Variants in HEXA observed in about 807,000 individuals in gnomAD.
HEXA encodes hexosaminidase subunit alpha, also known as beta-hexosaminidase subunit alpha.
Under a neutral mutation model 73.3 loss-of-function variants are expected in HEXA, and 54 were observed. That is an observed-to-expected ratio of 0.74 (90% CI 0.59 to 0.92). The LOEUF (loss-of-function observed/expected upper bound fraction) is 0.92. Ranked by LOEUF, HEXA falls within the 40% of genes least tolerant of loss-of-function variation. The pLI is 0.00. For missense variants in HEXA, 649 were observed against 653.0 expected (o/e 0.99, Z 0.07); for synonymous variants, 230 against 246.9 (o/e 0.93, Z 0.64).
intron 1 of HEXA, among the ~76,000 whole-genome samples, chr15:72,368,146 A>C (rs2088941893): frequency 6.6e-6 from 1 of 152,230 alleles, no homozygotes; most frequent in Non-Finnish European, 1.5e-5. Context: ...TGCTACTGGA[A>C]TCTGGTAACA....
At chr15:72,353,218 A>C (rs1172433577) in intron 4 of HEXA, 40 bp from the exon 5 acceptor site, 1 of 1,222,744 alleles carries the variant, frequency 8.2e-7, no homozygotes, top group Admixed American at 1.8e-5. Context: ...TTTCAAAGGA[A>C]GCTTACTATG....
At chr15:72,362,625 G>C (rs138167881) in intron 1 of HEXA, among the ~76,000 whole-genome samples, 1 of 152,188 alleles carries the variant, frequency 6.6e-6, no homozygotes, top group African/African-American at 2.4e-5. Context: ...GCGATGCTAA[G>C]AAGACGCCCA....
Position 72,350,627 on chromosome 15 carries a change from G to A in HEXA, c.696C>T (p.His232=). The part of the protein sequence containing the change: ...MRKGSYNPVT[H]IYTAQDVKEV... Reference sequence around the variant, plus strand: ...CCTTCACATCCTGTGCTGTGTAGATGTGGGTGACAGGGTTGTAGGACCCCT... The same window carrying A: ...CCTTCACATCCTGTGCTGTGTAGATATGGGTGACAGGGTTGTAGGACCCCT... The change falls in exon 7 of 14, where the codon CAC becomes CAT. Residue 232 remains histidine, a synonymous_variant. Coordinates refer to ENST00000268097, the MANE Select transcript of HEXA (RefSeq NM_000520.6). 6.2e-7 allele frequency: 1 copy of A among 1,605,002 alleles called. No individual in the cohort carries two copies. Among genetic ancestry groups the A allele is most frequent in the Non-Finnish European group, 8.5e-7 (1 of 1,175,756 alleles).
At chr15:72,352,764 T>C (rs2088717305) in intron 5 of HEXA, among the ~76,000 whole-genome samples, 1 of 151,864 alleles carries the variant, frequency 6.6e-6, no homozygotes, top group South Asian at 2.1e-4. Context: ...CCTGGGTTCA[T>C]GCGATTCTCC....
intron 4 of HEXA, 36 bp downstream of exon 4, chr15:72,353,655 A>G (rs1354479316): frequency 6.5e-7 from 1 of 1,539,344 alleles, no homozygotes; most frequent in Non-Finnish European, 9.0e-7. Context: ...AACCCCAGAG[A>G]TGAAAAAGGA....
chr15:72,362,410 C>A (rs764711297), intron 1 of HEXA: 66 of 455,540 alleles, frequency 1.4e-4, no homozygotes, highest in Admixed American at 3.3e-4. Context: ...AGGGACCAAT[C>A]TCAGTGTCTT....
Position 72,346,219 on chromosome 15 carries a change from C to G in HEXA, c.1421+16G>C, listed in dbSNP as rs1260701932. 5.6e-6 allele frequency: 9 copies of G among 1,601,018 alleles called. No individual in the cohort carries two copies. Among genetic ancestry groups the G allele is most frequent in the East Asian group, 2.2e-5 (1 of 44,832 alleles). Reference sequence around the variant, plus strand: ...TCTCAGGCCCAACCCTCCACCTCCCCCCCGAAAACCCTTACCAGAGCCTGG... The same window carrying G: ...TCTCAGGCCCAACCCTCCACCTCCCGCCCGAAAACCCTTACCAGAGCCTGG... On this transcript the variant is annotated intron_variant, in intron 12 of 13. Transcript: ENST00000268097.
In HEXA at chr15:72,342,695, G is replaced by A. The variant is rs958473911; in HGVS notation, c.*1382C>T. The A allele has an allele frequency of 6.6e-6, 1 of 152,310 alleles. No individual in the cohort carries two copies. The highest frequency in any genetic ancestry group is 2.4e-5 in the African/African-American group (1 of 41,460). 9.4% of individuals were successfully genotyped at this position (152,310 alleles called of 1,614,324 possible). ...CTCCGCGCAGCCATCCATTCCCTGC[G>A]AAGATGCTTTGGGCTGAAAATGGTT... On this transcript the variant is annotated 3_prime_UTR_variant, in exon 14 of 14. Transcript: ENST00000268097.
chr15:72,366,996 T>C (rs963272079), intron 1 of HEXA, among the ~76,000 whole-genome samples: 9 of 151,974 alleles, frequency 5.9e-5, no homozygotes, highest in African/African-American at 2.2e-4. Context: ...CAGGCTGGAG[T>C]GCAGTGGCGC....
intron 1 of HEXA, chr15:72,370,723 G>C (rs908700834): frequency 6.6e-6 from 1 of 152,178 alleles, no homozygotes; most frequent in African/African-American, 2.7e-5. Context: ...GAAAAGAAAA[G>C]AAAAAAACAG....
chr15:72,344,720 T>TG (rs2088587675), intron 13 of HEXA, among the ~76,000 whole-genome samples: 1 of 152,184 alleles, frequency 6.6e-6, no homozygotes, highest in South Asian at 2.1e-4. Flanking sequence ...ATGACATAAT[T>TG]GAGGCTTAGA....
At position 72,342,548 on chromosome 15, in the gene HEXA, C is replaced by T. The variant is rs897301414; in HGVS notation, c.*1529G>A. 1.3e-5 allele frequency: 2 copies of T among 152,246 alleles called. No individual in the cohort carries two copies. Among genetic ancestry groups the T allele is most frequent in the African/African-American group, 4.8e-5 (2 of 41,454 alleles). The allele number at this position is 152,246 out of a possible 1,614,324, so 9.4% of individuals were successfully genotyped here. Reference sequence around the variant, plus strand: ...GGCTGCGATGCATTACTGCCCCCGCCTCTGGCTTACAGTATCACTTCTGCA... The same window carrying T: ...GGCTGCGATGCATTACTGCCCCCGCTTCTGGCTTACAGTATCACTTCTGCA... On this transcript the variant is annotated 3_prime_UTR_variant, in exon 14 of 14. Transcript: ENST00000268097.
At chr15:72,361,180 C>T (rs1180752619) in intron 1 of HEXA, among the ~76,000 whole-genome samples, 1 of 152,180 alleles carries the variant, frequency 6.6e-6, no homozygotes, top group African/African-American at 2.4e-5. Context: ...AGACAAAAAT[C>T]CCAGCTGTCA....
At chr15:72,373,837 A>G (rs539182223) in intron 1 of HEXA, among the ~76,000 whole-genome samples, 107 of 152,060 alleles carry the variant, frequency 7.0e-4, no homozygotes, top group African/African-American at 2.5e-3. Context: ...CATCTCTACT[A>G]AAAATACAAA....
intron 1 of HEXA, among the ~76,000 whole-genome samples, chr15:72,360,935 G>C (rs1342331932): frequency 6.6e-6 from 1 of 152,118 alleles, no homozygotes; most frequent in Non-Finnish European, 1.5e-5. Flanking sequence ...TCATGATGTT[G>C]GTCATACTTA....
Position 72,348,153 on chromosome 15 carries a change from T to A in HEXA, c.987-19A>T. ...GGACTTCCTGAATCCCAAGAGAAAA[T>A]GAAGATTAATCTTTCAACATCCTGA... On this transcript the variant is annotated intron_variant, in intron 8 of 13. Transcript: ENST00000268097. The A allele has an allele frequency of 6.4e-7, 1 of 1,551,150 alleles. No individual in the cohort carries two copies. The highest frequency in any genetic ancestry group is 2.2e-5 in the East Asian group (1 of 44,600).
intron 1 of HEXA, chr15:72,356,929 T>C (rs922095233): frequency 6.6e-6 from 3 of 451,982 alleles, no homozygotes; most frequent in African/African-American, 4.0e-5. Flanking sequence ...CCTCAACAAC[T>C]GCTTCTGAAT....
chr15:72,369,996 A>G (rs936719402), intron 1 of HEXA: 4 of 151,902 alleles, frequency 2.6e-5, no homozygotes, highest in Non-Finnish European at 5.9e-5. Flanking sequence ...TTTTAAAATC[A>G]CCAAGTTCTT....
chr15:72,368,057 T>C (rs945163793), intron 1 of HEXA, among the ~76,000 whole-genome samples: 1 of 152,224 alleles, frequency 6.6e-6, no homozygotes, highest in Non-Finnish European at 1.5e-5. Context: ...TTAATATTCC[T>C]TGGACCTAGT....
Sources: gnomAD v4.1 joint callset for allele counts (sites outside exome capture counted in the v4.1 genomes callset) on GRCh38, gnomAD v4.1.1 for gene constraint, MANE v1.5 for transcripts, NCBI Gene and HGNC (gene_info 2026-07-23, HGNC 2026-07-21) for gene names.